GRM1: variants seen among roughly 807,000 people sequenced by gnomAD.
GRM1 encodes glutamate metabotropic receptor 1.
A neutral mutation model predicts 90.9 loss-of-function variants in GRM1; 33 were observed. That is an observed-to-expected ratio of 0.36 (90% CI 0.28 to 0.49). The LOEUF (loss-of-function observed/expected upper bound fraction) is 0.49. Among genes scored for constraint, GRM1 ranks in the 20% least tolerant of loss-of-function variants. The pLI, the probability that GRM1 is intolerant of heterozygous loss-of-function variation, is 0.99. For missense variants in GRM1, 1,190 were observed against 1,534.3 expected, an observed-to-expected ratio of 0.78 and a Z score of 3.75; for synonymous variants, 700 against 613.2, an observed-to-expected ratio of 1.14 and a Z score of -2.09.
At chr6:146,334,240 AG>A (rs1179500306) in intron 3 of GRM1, among the ~76,000 whole-genome samples, 1 of 152,174 alleles carries the variant, frequency 6.6e-6, no homozygotes, top group African/African-American at 2.4e-5. Context: ...CTTGGGTAAA[AG>A]TTTCTGCCTC....
chr6:146,111,486 A>G (rs1049547781), intron 1 of GRM1, among the ~76,000 whole-genome samples: 1 of 152,254 alleles, frequency 6.6e-6, no homozygotes, highest in African/African-American at 2.4e-5. Context: ...TTTAAAAATA[A>G]AAACAGTTGA....
At chr6:146,116,766 T>TA (rs1342742514) in intron 1 of GRM1, among the ~76,000 whole-genome samples, 2 of 152,132 alleles carry the variant, frequency 1.3e-5, no homozygotes, top group Non-Finnish European at 2.9e-5. Flanking sequence ...AATTTTTTTC[T>TA]ACCCATAGTG....
chr6:146,257,899 C>G (rs1216193416), intron 2 of GRM1, among the ~76,000 whole-genome samples: 1 of 151,984 alleles, frequency 6.6e-6, no homozygotes, highest in Non-Finnish European at 1.5e-5. Context: ...AATCCGAGCA[C>G]CTCATGTCCC....
intron 2 of GRM1, among the ~76,000 whole-genome samples, chr6:146,279,642 A>G (rs1375817527): frequency 6.6e-6 from 1 of 152,048 alleles, no homozygotes; most frequent in Non-Finnish European, 1.5e-5. Flanking sequence ...ATTGATTTTT[A>G]TGTTTAATTC....
chr6:146,307,364 T>A (rs981013606), intron 3 of GRM1, among the ~76,000 whole-genome samples: 1 of 152,196 alleles, frequency 6.6e-6, no homozygotes, highest in Non-Finnish European at 1.5e-5. Flanking sequence ...TATTTAACTT[T>A]TCTATTTGAA....
At chr6:146,307,723 T>A (rs937883519) in intron 3 of GRM1, among the ~76,000 whole-genome samples, 1 of 152,190 alleles carries the variant, frequency 6.6e-6, no homozygotes, top group Admixed American at 6.5e-5. Flanking sequence ...CCTCTTCTAA[T>A]TGGGTCACTT....
At chr6:146,057,897 G>C (rs931368336) in intron 1 of GRM1, among the ~76,000 whole-genome samples, 3 of 151,882 alleles carry the variant, frequency 2.0e-5, no homozygotes, top group African/African-American at 7.3e-5. Context: ...TTGGGTTTTG[G>C]TGAACAAGGA....
chr6:146,306,691 G>C (rs913456844), intron 3 of GRM1, among the ~76,000 whole-genome samples: 12 of 152,144 alleles, frequency 7.9e-5, no homozygotes, highest in African/African-American at 2.9e-4. Context: ...GAAGAGCAGT[G>C]AGGAGCCTAC....
At chr6:146,426,474 CACTGCCTG>C in intron 7 of GRM1, 1 of 1,237,330 alleles carries the variant, frequency 8.1e-7, no homozygotes, top group Non-Finnish European at 1.2e-6. Flanking sequence ...CAGGGCCAGG[CACTGCCTG>C]AGTGGTGGAC....
intron 2 of GRM1, among the ~76,000 whole-genome samples, chr6:146,227,976 T>C (rs142372164): frequency 2.0e-3 from 308 of 152,322 alleles, no homozygotes; most frequent in African/African-American, 7.1e-3. Flanking sequence ...TTTCTTTTGT[T>C]GTTGTCAAGC....
At chr6:146,125,772 C>T (rs557157567) in intron 1 of GRM1, among the ~76,000 whole-genome samples, 1 of 152,074 alleles carries the variant, frequency 6.6e-6, no homozygotes. Flanking sequence ...AATTCACTTA[C>T]TCAGAATTCT....
intron 1 of GRM1, among the ~76,000 whole-genome samples, chr6:146,089,556 T>C (rs1429833648): frequency 6.6e-6 from 1 of 152,158 alleles, no homozygotes; most frequent in African/African-American, 2.4e-5. Context: ...ACCCAGATTT[T>C]ATTTATTTTT....
chr6:146,328,526 A>C (rs1310807059), intron 3 of GRM1, among the ~76,000 whole-genome samples: 1 of 152,226 alleles, frequency 6.6e-6, no homozygotes, highest in African/African-American at 2.4e-5. Flanking sequence ...GAAATAAATT[A>C]TGTGATCCTC....
chr6:146,304,853 C>T lies in GRM1; in HGVS notation c.1186+7C>T. On this transcript the variant is annotated splice_region_variant and intron_variant, in intron 3 of 7. Transcript: ENST00000282753. ...TTTAAACGAATCTGCACAGGTAACT[C>T]ATGTTCACAAAATAACAACTCAGAG... 6.4e-7 allele frequency: 1 copy of T among 1,562,998 alleles called. No homozygotes were observed. The highest frequency in any genetic ancestry group is 8.8e-7 in the Non-Finnish European group (1 of 1,133,506).
At chr6:146,104,910 C>T (rs1195702561) in intron 1 of GRM1, among the ~76,000 whole-genome samples, 1 of 152,038 alleles carries the variant, frequency 6.6e-6, no homozygotes, top group Non-Finnish European at 1.5e-5. Context: ...GTGACACAAA[C>T]GTAAAAGAAA....
At chr6:146,171,691 C>A in intron 2 of GRM1, 1 of 294,356 alleles carries the variant, frequency 3.4e-6, no homozygotes, top group Non-Finnish European at 7.1e-6. Context: ...TAGAGGAGGA[C>A]ATGAAGAAAG....
intron 1 of GRM1, among the ~76,000 whole-genome samples, chr6:146,049,267 G>T: frequency 6.6e-6 from 1 of 151,990 alleles, no homozygotes; most frequent in Non-Finnish European, 1.5e-5. Context: ...TCATTTTTGA[G>T]TAGGTCTATG....
At chr6:146,312,349 C>CAAAAAAAAAAAAAA (rs1166008558) in intron 3 of GRM1, among the ~76,000 whole-genome samples, 4 of 21,338 alleles carry the variant, frequency 1.9e-4, no homozygotes, top group Non-Finnish European at 2.8e-4. Context: ...AACTCCGTCT[C>CAAAAAAAAAAAAAA]AAAAAAAAAA....
chr6:146,105,622 AT>A (rs1326488157), intron 1 of GRM1, among the ~76,000 whole-genome samples: 21 of 152,280 alleles, frequency 1.4e-4, no homozygotes, highest in African/African-American at 4.8e-4. Context: ...ATATATGTCA[AT>A]AATCATTTCA....
Sources: gnomAD v4.1 joint callset for allele counts (sites outside exome capture counted in the v4.1 genomes callset) on GRCh38, gnomAD v4.1.1 for gene constraint, MANE v1.5 for transcripts, NCBI Gene and HGNC (gene_info 2026-07-23, HGNC 2026-07-21) for gene names.